The following SMC2 variants were observed in gnomAD, a reference collection of about 807,000 sequenced individuals.
The protein encoded by SMC2 is structural maintenance of chromosomes 2.
A neutral mutation model predicts 142.6 loss-of-function variants in SMC2; 41 were observed. That is an observed-to-expected ratio of 0.29 (90% CI 0.22 to 0.37). SMC2 has a LOEUF of 0.37. Ranked by LOEUF, SMC2 falls within the 10% of genes least tolerant of loss-of-function variation. The probability of loss-of-function intolerance (pLI) is 1.00; values close to 1 mark genes in which losing one functional copy is unlikely to be tolerated. For missense variants in SMC2, 1,265 were observed against 1,373.7 expected, an observed-to-expected ratio of 0.92 and a Z score of 1.25; for synonymous variants, 463 against 457.5, an observed-to-expected ratio of 1.01 and a Z score of -0.15.
intron 9 of SMC2, among the ~76,000 whole-genome samples, chr9:104,110,683 C>G (rs1832334564): frequency 6.6e-6 from 1 of 152,220 alleles, no homozygotes; most frequent in Admixed American, 6.5e-5. Flanking sequence ...CATTTACTCA[C>G]TGTGCTCCTA....
intron 23 of SMC2, among the ~76,000 whole-genome samples, chr9:104,137,756 C>T (rs1835704195): frequency 6.6e-6 from 1 of 151,908 alleles, no homozygotes; most frequent in Admixed American, 6.6e-5. Context: ...AGAATAGGTG[C>T]CAAACGTAAT....
At chr9:104,136,638 T>G (rs897661967) in intron 23 of SMC2, among the ~76,000 whole-genome samples, 5 of 152,048 alleles carry the variant, frequency 3.3e-5, no homozygotes, top group African/African-American at 1.2e-4. Context: ...CTTGAGGCAC[T>G]CATCACAGAG....
At chr9:104,114,198 G>A in intron 12 of SMC2, 117 bp downstream of exon 12, 1 of 560,604 alleles carries the variant, frequency 1.8e-6, no homozygotes, top group Middle Eastern at 4.6e-4. Flanking sequence ...CTTGTTGTAA[G>A]CTGCTTTTCT....
chr9:104,133,222 G>A (rs931990946), intron 22 of SMC2, among the ~76,000 whole-genome samples: 1 of 151,874 alleles, frequency 6.6e-6, no homozygotes, highest in Admixed American at 6.6e-5. Flanking sequence ...CTCATTTTCT[G>A]TGTAGCATAG....
Position 104,127,340 on chromosome 9 carries a change from G to T in SMC2, c.2650G>T (p.Ala884Ser). 2.5e-6 allele frequency: 4 copies of T among 1,613,420 alleles called. No individual in the cohort carries two copies. Among genetic ancestry groups the T allele is most frequent in the Non-Finnish European group, 3.4e-6 (4 of 1,179,608 alleles). ...GACCAAGCAAAAAGAGGTGATAACA[G>T]CCCAAGACACTGTAATTAAAGCTAA... is the stretch of plus-strand genomic sequence containing the variant. ...EVTKQKEVITAQDTVIKAKYA... is the reference protein window; with the variant it reads ...EVTKQKEVITSQDTVIKAKYA... Residue 884 changes from alanine to serine, a missense_variant, in exon 20 of 25, where the codon GCC becomes TCC. Around this residue, in one of 4 missense-constraint regions of SMC2, gnomAD observed 898 missense variants for 904.2 expected, o/e 0.99. Transcript: ENST00000374793.
At chr9:104,126,527 C>CAAAGCTGTGGG (rs1834307254) in intron 18 of SMC2, 114 bp from the exon 19 acceptor site, 1 of 728,510 alleles carries the variant, frequency 1.4e-6, no homozygotes, top group South Asian at 2.7e-5. Context: ...TGAGTGGTAA[C>CAAAGCTGTGGG]AAAGCTGTGG....
At chr9:104,108,958 A>T (rs559407166) in intron 9 of SMC2, among the ~76,000 whole-genome samples, 1 of 152,156 alleles carries the variant, frequency 6.6e-6, no homozygotes, top group Non-Finnish European at 1.5e-5. Context: ...ATGAAAGGAC[A>T]TGCATATTTC....
At chr9:104,093,648 G>C (rs888759438), upstream of SMC2, among the ~76,000 whole-genome samples, 1 of 152,142 alleles carries the variant, frequency 6.6e-6, no homozygotes, top group African/African-American at 2.4e-5. Context: ...GAGATGAATA[G>C]CTATTTAGCA....
intron 9 of SMC2, among the ~76,000 whole-genome samples, chr9:104,106,352 C>A (rs1436574202): frequency 2.6e-5 from 4 of 152,104 alleles, no homozygotes; most frequent in Non-Finnish European, 5.9e-5. Flanking sequence ...GCAGCAAGTC[C>A]TTGTTTCCAC....
At chr9:104,118,117 T>A in intron 14 of SMC2, 54 bp from the exon 15 acceptor site, 1 of 1,389,776 alleles carries the variant, frequency 7.2e-7, no homozygotes, top group Admixed American at 1.9e-5. Context: ...TAAAATCATA[T>A]CTGAAAGGAA....
intron 10 of SMC2, 90 bp from the exon 11 acceptor site, chr9:104,113,226 T>G (rs1294751803): frequency 1.1e-6 from 1 of 936,844 alleles, no homozygotes; most frequent in African/African-American, 1.7e-5. Context: ...TTAAGGTCTC[T>G]TAGTAAAACC....
At chr9:104,101,425 C>G (rs1831106692) in intron 7 of SMC2, among the ~76,000 whole-genome samples, 2 of 152,064 alleles carry the variant, frequency 1.3e-5, no homozygotes, top group Admixed American at 1.3e-4. Context: ...AAACTTAGGT[C>G]CTAGACTTCA....
chr9:104,132,517 A>C (rs1392119020), intron 22 of SMC2, among the ~76,000 whole-genome samples: 1 of 152,080 alleles, frequency 6.6e-6, no homozygotes, highest in Non-Finnish European at 1.5e-5. Context: ...CTCATGTGGA[A>C]GTTTTTCCAT....
chr9:104,102,535 G>A lies in SMC2; in HGVS notation c.982G>A (p.Glu328Lys). ...DLKKKNLACEESKRKELEKNM... is the reference protein window; with the variant it reads ...DLKKKNLACEKSKRKELEKNM... ...CAAGAAGAAAAATCTGGCATGTGAG[G>A]AAAGCAAACGCAAAGAGCTGGAAAA... Residue 328 changes from glutamate to lysine, a missense_variant, in exon 9 of 25, where the codon GAA (glutamate) becomes AAA (lysine). Glu to Lys is a moderately conservative substitution (Grantham distance 56). Around this residue, in one of 4 missense-constraint regions of SMC2, gnomAD observed 898 missense variants for 904.2 expected, o/e 0.99. Coordinates refer to ENST00000374793, the MANE Select transcript of SMC2 (RefSeq NM_006444.3). 2 of 1,613,544 alleles carry A rather than the reference G, an allele frequency of 1.2e-6. No individual in the cohort carries two copies. Among genetic ancestry groups the A allele is most frequent in the Non-Finnish European group, 8.5e-7 (1 of 1,179,768 alleles).
At chr9:104,097,130 T>G (rs963141218) in intron 3 of SMC2, among the ~76,000 whole-genome samples, 4 of 148,134 alleles carry the variant, frequency 2.7e-5, no homozygotes, top group African/African-American at 5.0e-5. Context: ...TTTTTTTTTT[T>G]TTTTTTTTTT....
chr9:104,093,565 TC>T (rs1338545292), upstream of SMC2, among the ~76,000 whole-genome samples: 1 of 151,036 alleles, frequency 6.6e-6, no homozygotes, highest in Non-Finnish European at 1.5e-5. Context: ...ACATGAACTG[TC>T]TTAAAAGGTT....
At chr9:104,133,615 T>C (rs2131552598) in intron 22 of SMC2, among the ~76,000 whole-genome samples, 2 of 152,262 alleles carry the variant, frequency 1.3e-5, no homozygotes, top group Middle Eastern at 6.8e-3. Context: ...ACTAAGAATA[T>C]TAGTCATGTC....
At chr9:104,120,221 A>G (rs1833574864) in intron 16 of SMC2, 59 bp downstream of exon 16, 7 of 1,409,552 alleles carry the variant, frequency 5.0e-6, no homozygotes, top group Non-Finnish European at 6.7e-6. Flanking sequence ...ATGATAGAAA[A>G]TTTACTTTTA....
chr9:104,131,368 T>G (rs1238185792), intron 21 of SMC2, among the ~76,000 whole-genome samples: 2 of 152,058 alleles, frequency 1.3e-5, no homozygotes, highest in East Asian at 3.9e-4. Flanking sequence ...TGCCATAAAG[T>G]CAAGGGATAA....
Sources: allele counts gnomAD v4.1 joint callset (sites outside exome capture counted in the v4.1 genomes callset), GRCh38; gene constraint gnomAD v4.1.1; regional missense constraint gnomAD v4.1.1; transcripts MANE v1.5; gene names NCBI Gene and HGNC (gene_info 2026-07-23, HGNC 2026-07-21).